The following PXDNL variants were observed in gnomAD, a reference collection of about 807,000 sequenced individuals.
PXDNL encodes probable oxidoreductase PXDNL.
Under a neutral mutation model 150.8 loss-of-function variants are expected in PXDNL, and 145 were observed. The observed-to-expected ratio is 0.96, with a 90% confidence interval of 0.84 to 1.10. PXDNL has a LOEUF of 1.10. Among genes scored for constraint, PXDNL ranks in the 50% least tolerant of loss-of-function variants. The pLI is 0.00. For synonymous variants in PXDNL, 757 were observed against 725.7 expected (o/e 1.04, Z -0.69); for missense variants, 2,087 against 1,873.9 (o/e 1.11, Z -2.10).
At chr8:51,399,936 G>C (rs897389229) in intron 17 of PXDNL, among the ~76,000 whole-genome samples, 1 of 152,150 alleles carries the variant, frequency 6.6e-6, no homozygotes, top group Non-Finnish European at 1.5e-5. Flanking sequence ...CTTTATTTCT[G>C]TAAGTGTTAG....
intron 2 of PXDNL, among the ~76,000 whole-genome samples, chr8:51,611,510 A>C (rs35711574): frequency 0.084 from 12,792 of 152,330 alleles, 620 homozygotes; most frequent in South Asian, 0.098. Context: ...AAGTTATGTG[A>C]CAAAGCTTCT....
At chr8:51,571,330 T>A (rs1265445383) in intron 3 of PXDNL, among the ~76,000 whole-genome samples, 1 of 151,836 alleles carries the variant, frequency 6.6e-6, no homozygotes, top group Non-Finnish European at 1.5e-5. Context: ...AATACAGTCA[T>A]CAGCTGAGAA....
chr8:51,577,432 A>G (rs568347978), intron 3 of PXDNL, among the ~76,000 whole-genome samples: 2 of 151,208 alleles, frequency 1.3e-5, no homozygotes, highest in Non-Finnish European at 3.0e-5. Context: ...ATATGTATAT[A>G]GAGAGGGTGG....
At chr8:51,481,581 C>G (rs1178129391) in intron 6 of PXDNL, among the ~76,000 whole-genome samples, 1 of 152,186 alleles carries the variant, frequency 6.6e-6, no homozygotes, top group Non-Finnish European at 1.5e-5. Context: ...TTCACAGCAG[C>G]TCCTCCCATC....
chr8:51,463,978 C>T (rs1048757624), intron 8 of PXDNL, among the ~76,000 whole-genome samples: 2 of 149,664 alleles, frequency 1.3e-5, no homozygotes, highest in African/African-American at 2.5e-5. Flanking sequence ...TAAAAGCCTA[C>T]ATGAAGTTAA....
At chr8:51,714,030 A>G (rs115956163) in intron 1 of PXDNL, among the ~76,000 whole-genome samples, 3,660 of 152,284 alleles carry the variant, frequency 0.024, 148 homozygotes, top group African/African-American at 0.083. Flanking sequence ...AAGAGCCGGT[A>G]ATTTTTATCA....
In PXDNL at chr8:51,637,802, C is replaced by G. The variant is rs935303210; in HGVS notation, c.236+16887G>C. 5.3e-5 allele frequency among the ~76,000 whole-genome samples: 8 copies of G among 152,214 alleles called. 2 individuals carry two copies. The East Asian group carries it at 1.5e-3, about 29-fold the overall frequency. On this transcript the variant is annotated intron_variant, in intron 2 of 22. Coordinates refer to ENST00000356297, the MANE Select transcript of PXDNL (RefSeq NM_144651.5). ...TCAGGATATTATCCAGGAGAACTTC[C>G]CCAACATAGCAAGGCAGGCCAACAT...
At chr8:51,799,331 T>C (rs2037595254) in intron 1 of PXDNL, among the ~76,000 whole-genome samples, 1 of 152,196 alleles carries the variant, frequency 6.6e-6, no homozygotes, top group South Asian at 2.1e-4. Context: ...CGAGTCACTA[T>C]AGCACACATT....
At chr8:51,550,442 T>C (rs1035397207) in intron 4 of PXDNL, among the ~76,000 whole-genome samples, 1 of 152,062 alleles carries the variant, frequency 6.6e-6, no homozygotes, top group African/African-American at 2.4e-5. Flanking sequence ...AACAAAAACC[T>C]AGCTAACCAA....
chr8:51,736,103 T>C (rs1817033230), intron 1 of PXDNL, among the ~76,000 whole-genome samples: 1 of 152,202 alleles, frequency 6.6e-6, no homozygotes, highest in Non-Finnish European at 1.5e-5. Flanking sequence ...TTGACATTTT[T>C]CCTGTGATTT....
At chr8:51,402,524 AAAT>A (rs1808288353) in intron 17 of PXDNL, among the ~76,000 whole-genome samples, 1 of 151,416 alleles carries the variant, frequency 6.6e-6, no homozygotes, top group African/African-American at 2.4e-5. Flanking sequence ...GTCTCAAAAT[AAAT>A]AAATAAATAA....
At chr8:51,533,311 T>G (rs1333073560) in intron 4 of PXDNL, among the ~76,000 whole-genome samples, 1 of 151,976 alleles carries the variant, frequency 6.6e-6, no homozygotes, top group African/African-American at 2.4e-5. Flanking sequence ...CCACCACGCC[T>G]GGCTAATTTT....
chr8:51,654,163 T>TA lies in PXDNL; in HGVS notation c.236+525dup, dbSNP rs1815101720. On this transcript the variant is annotated intron_variant, in intron 2 of 22. Transcript: ENST00000356297. ...GTTAAGTGAATAAAATAAATGCCTT[T>TA]AAACTTGGAAACATTTATCAGTGCT... Among the ~76,000 whole-genome samples the TA allele has an allele frequency of 2.0e-5, 3 of 152,228 alleles. No individual in the cohort carries two copies. The South Asian group carries it at 6.2e-4, about 31-fold the overall frequency.
chr8:51,525,190 C>T (rs1251836496), intron 4 of PXDNL, among the ~76,000 whole-genome samples: 3 of 152,158 alleles, frequency 2.0e-5, no homozygotes, highest in African/African-American at 7.2e-5. Context: ...CAGGAAAGCT[C>T]TGCAAAGCCT....
At chr8:51,557,513 G>A (rs1381848341) in intron 3 of PXDNL, among the ~76,000 whole-genome samples, 2 of 152,134 alleles carry the variant, frequency 1.3e-5, no homozygotes, top group Non-Finnish European at 2.9e-5. Context: ...CCATAGGTTA[G>A]TAAGGTGATT....
At chr8:51,729,891 T>C (rs751606646) in intron 1 of PXDNL, among the ~76,000 whole-genome samples, 2 of 152,204 alleles carry the variant, frequency 1.3e-5, no homozygotes, top group Non-Finnish European at 2.9e-5. Context: ...AAAGGCTATG[T>C]GCTATGTGAC....
intron 1 of PXDNL, among the ~76,000 whole-genome samples, chr8:51,744,365 GAA>G (rs575821324): frequency 2.1e-4 from 32 of 150,972 alleles, no homozygotes; most frequent in Non-Finnish European, 3.6e-4. Context: ...AAAAGAGAGA[GAA>G]AGAGAAAAAA....
intron 8 of PXDNL, among the ~76,000 whole-genome samples, chr8:51,464,553 C>T (rs1215390856): frequency 6.6e-6 from 1 of 152,116 alleles, no homozygotes; most frequent in African/African-American, 2.4e-5. Flanking sequence ...ACAATTCCCA[C>T]AGAAATACAA....
chr8:51,761,949 T>C (rs965754401), intron 1 of PXDNL, among the ~76,000 whole-genome samples: 1 of 152,208 alleles, frequency 6.6e-6, no homozygotes, highest in African/African-American at 2.4e-5. Context: ...AACTGGAAGA[T>C]ACAGAATCTT....
Sources: allele counts gnomAD v4.1 joint callset (sites outside exome capture counted in the v4.1 genomes callset), GRCh38; gene constraint gnomAD v4.1.1; transcripts MANE v1.5; gene names NCBI Gene and HGNC (gene_info 2026-07-23, HGNC 2026-07-21).